ADPRHL1: variants seen among roughly 807,000 people sequenced by gnomAD.
ADPRHL1 encodes ADP-ribosylhydrolase like 1.
A neutral mutation model predicts 44.1 loss-of-function variants in ADPRHL1; 43 were observed. The ratio of observed to expected loss-of-function variants is 0.98; its 90% CI spans 0.76 to 1.26. The LOEUF (loss-of-function observed/expected upper bound fraction) is 1.26. Among genes scored for constraint, ADPRHL1 ranks in the 50% most tolerant of loss-of-function variants. ADPRHL1 has a pLI of 0.00. For synonymous variants in ADPRHL1, 878 were observed against 1,017.4 expected (o/e 0.86, Z 2.61); for missense variants, 2,022 against 2,496.9 (o/e 0.81, Z 4.05).
At position 113,441,019 on chromosome 13, in the gene ADPRHL1, G is replaced by C. The variant is rs953564630; in HGVS notation, c.379+3406C>G. ...AATTCAAAAATTAGCCAGGTGTGGT[G>C]GTGGGCGCCCGTAGTCCCAGCTACT... On this transcript the variant is annotated intron_variant, in intron 2 of 7. Coordinates refer to ENST00000612156, the MANE Select transcript of ADPRHL1 (RefSeq NM_001394807.1). This position sits in a 1 kb window ranked among gnomAD's most constrained non-coding sequence, Gnocchi z 6.0. Among the ~76,000 whole-genome samples the C allele has an allele frequency of 3.3e-5, 5 of 151,964 alleles. No individual in the cohort carries two copies.
chr13:113,404,702 C>T lies in ADPRHL1; in HGVS notation c.4580G>A (p.Gly1527Glu), dbSNP rs1419782332. 3.9e-6 allele frequency: 5 copies of T among 1,281,724 alleles called. No homozygotes were observed. The East Asian group carries it at 1.6e-4, about 40-fold the overall frequency. 79.4% of individuals were successfully genotyped at this position (1,281,724 alleles called of 1,614,324 possible). A position where few individuals can be genotyped will look rare whatever the true frequency, so the allele number is the denominator to read the frequency against. ...QGQAQEQAQG[G>E]TQGHSQGQAQ... ...CTGTCCCTGACTGTGTCCCTGGGTC[C>T]CACCCTGAGCCTGTTCCTGTGCCTG... Residue 1527 changes from glycine (G) to glutamate (E), a missense_variant, in exon 8 of 8, where the codon GGG becomes GAG. By Grantham distance (98) the Gly-to-Glu change is moderately conservative (BLOSUM62 -2). Transcript: ENST00000612156.
At chr13:113,424,146 C>T in intron 6 of ADPRHL1, 71 bp downstream of exon 6, 1 of 1,581,986 alleles carries the variant, frequency 6.3e-7, no homozygotes, top group African/African-American at 1.3e-5. Flanking sequence ...AGTCCTAGGA[C>T]ACTCCGAGGG....
chr13:113,423,598 A>AT (rs2043942406), intron 6 of ADPRHL1, among the ~76,000 whole-genome samples: 1 of 152,262 alleles, frequency 6.6e-6, no homozygotes, highest in African/African-American at 2.4e-5. Flanking sequence ...TCACAGAACC[A>AT]TAACAGCTGC....
At chr13:113,410,977 C>A (rs2043848459) in intron 7 of ADPRHL1, among the ~76,000 whole-genome samples, 1 of 152,208 alleles carries the variant, frequency 6.6e-6, no homozygotes, top group African/African-American at 2.4e-5. Flanking sequence ...CGTTTTGTCC[C>A]CGCTCTGGGC....
Position 113,424,255 on chromosome 13 carries a change from C to G in ADPRHL1, c.869G>C (p.Ser290Thr). ...GGCCCGGTGACACAGCTCAGTCCAG[C>G]TGTTTCCTGCTGCAAGGAGGGCGTC... ...AYDALLAAGN[S>T]WTELCHRAMF... is the part of the protein sequence containing the mutation. The change falls in exon 6 of 8, where the codon AGC (serine) becomes ACC (threonine). Residue 290 changes from serine (S) to threonine (T), a missense_variant. Transcript: ENST00000612156. 1 of 1,612,954 alleles carries G rather than the reference C, an allele frequency of 6.2e-7. No homozygotes were observed.
At position 113,406,044 on chromosome 13, in the gene ADPRHL1, G is replaced by A. The variant is rs1037361444; in HGVS notation, c.3238C>T (p.Pro1080Ser). The change falls in exon 8 of 8, where the codon CCC (proline) becomes TCC (serine). Residue 1080 changes from proline (P) to serine (S), a missense_variant. Pro to Ser is a moderately conservative substitution (Grantham distance 74, BLOSUM62 -1). Coordinates refer to ENST00000612156, the MANE Select transcript of ADPRHL1 (RefSeq NM_001394807.1). ...RRPLLIESSQ[P>S]LKAAEEITSH... ...GTGATTTCCTCGGCAGCCTTCAGGG[G>A]CTGAGAAGACTCTATTAGCAGCGGC... The A allele has an allele frequency of 3.0e-5, 37 of 1,232,054 alleles. No individual in the cohort carries two copies. Among genetic ancestry groups the A allele is most frequent in the Non-Finnish European group, 3.6e-5 (36 of 988,036 alleles). 76.3% of individuals were successfully genotyped at this position (1,232,054 alleles called of 1,614,324 possible).
intron 3 of ADPRHL1, among the ~76,000 whole-genome samples, chr13:113,431,231 G>A (rs1213542485): frequency 1.3e-5 from 2 of 152,238 alleles, no homozygotes; most frequent in Non-Finnish European, 2.9e-5. Flanking sequence ...GCTGTCGTGG[G>A]GAAAAGATGA....
chr13:113,412,728 C>T (rs1431831193), intron 7 of ADPRHL1, among the ~76,000 whole-genome samples: 3 of 150,274 alleles, frequency 2.0e-5, no homozygotes, highest in African/African-American at 4.9e-5. Flanking sequence ...AGTTCACCCA[C>T]CGCCAACAGT....
chr13:113,426,303 T>C (rs1319241460), intron 4 of ADPRHL1, among the ~76,000 whole-genome samples: 4 of 152,150 alleles, frequency 2.6e-5, no homozygotes, highest in Non-Finnish European at 5.9e-5. Context: ...TGAGCACCCC[T>C]GCCCGCCACA....
chr13:113,417,411 G>C (rs925692252), intron 7 of ADPRHL1, among the ~76,000 whole-genome samples: 2 of 152,250 alleles, frequency 1.3e-5, no homozygotes, highest in Admixed American at 6.5e-5. Flanking sequence ...CAGACCCTGG[G>C]GACCGCCCCT....
In ADPRHL1 at chr13:113,404,918, C is replaced by T. The variant is rs532885889; in HGVS notation, c.4364G>A (p.Arg1455Gln). ...GGTGCCCTCTCCCCACGCCGTGCTC[C>T]GCCCCCGCTCCTCCCAGGGTCCCTG... Reference protein sequence around the residue: ...HLQGPWEERGRSTAWGEGTRA... With the variant: ...HLQGPWEERGQSTAWGEGTRA... Residue 1455 changes from arginine (R) to glutamine (Q), a missense_variant, in exon 8 of 8, where the codon CGG becomes CAG. Coordinates refer to ENST00000612156, the MANE Select transcript of ADPRHL1 (RefSeq NM_001394807.1). The T allele has an allele frequency of 9.6e-6, 12 of 1,244,474 alleles. No individual in the cohort carries two copies. The highest frequency in any genetic ancestry group is 8.4e-5 in the Admixed American group (2 of 23,942). The allele number at this position is 1,244,474 out of a possible 1,614,324, so 77.1% of individuals were successfully genotyped here. A position where few individuals can be genotyped will look rare whatever the true frequency, so the allele number is the denominator to read the frequency against.
chr13:113,424,065 C>T (rs2043945540), intron 6 of ADPRHL1, 152 bp downstream of exon 6: 4 of 1,087,912 alleles, frequency 3.7e-6, no homozygotes, highest in Non-Finnish European at 5.2e-6. Context: ...TGTGCCCTCC[C>T]AAAGTGGGTT....
At chr13:113,448,978 A>T (rs2044161099) in intron 1 of ADPRHL1, 1 of 985,650 alleles carries the variant, frequency 1.0e-6, no homozygotes, top group African/African-American at 1.7e-5. Context: ...GCCCCTCCCC[A>T]GGCCTGGCAC....
Position 113,403,918 on chromosome 13 carries a change from A to AACCC in ADPRHL1, c.5363_5364insGGGT (p.Gln1789GlyfsTer36). ...GAGCCCCTTTCTGGGTCTGCCTCTG[A>AACCC]GTCTCTATCTGGGTCTGCTCCCAGC... On this transcript the variant is annotated frameshift_variant, in exon 8 of 8. Transcript: ENST00000612156. LOFTEE classifies it low-confidence loss of function (END_TRUNC). The AACCC allele has an allele frequency of 8.0e-7, 1 of 1,249,584 alleles. No homozygotes were observed. Among genetic ancestry groups the AACCC allele is most frequent in the South Asian group, 3.3e-5 (1 of 30,594 alleles). The allele number at this position is 1,249,584 out of a possible 1,614,324, so 77.4% of individuals were successfully genotyped here.
Position 113,408,046 on chromosome 13 carries a change from C to T in ADPRHL1, c.1236G>A (p.Arg412=). 6 of 1,232,422 alleles carry T rather than the reference C, an allele frequency of 4.9e-6. No homozygotes were observed. Among genetic ancestry groups the T allele is most frequent in the Non-Finnish European group, 5.1e-6 (5 of 988,310 alleles). 76.3% of individuals were successfully genotyped at this position (1,232,422 alleles called of 1,614,324 possible). Residue 412 remains arginine, a synonymous_variant, in exon 8 of 8, where the codon AGG becomes AGA. Transcript: ENST00000612156. ...RPPGTEAGGS[R]PSHQPQTQEA... is the part of the protein sequence containing the mutation. ...CCTGGGTCTGGGGCTGGTGGCTGGG[C>T]CTGCTCCCCCCGGCCTCTGTCCCCG...
In ADPRHL1 at chr13:113,403,738, C is replaced by T. The variant is rs1321190126; in HGVS notation, c.5544G>A (p.Gln1848=). 1 of 1,232,466 alleles carries T rather than the reference C, an allele frequency of 8.1e-7. No homozygotes were observed. Among genetic ancestry groups the T allele is most frequent in the East Asian group, 3.2e-5 (1 of 31,726 alleles). 76.3% of individuals were successfully genotyped at this position (1,232,466 alleles called of 1,614,324 possible). The change falls in exon 8 of 8, where the codon CAG becomes CAA. Residue 1848 remains glutamine (Q), a synonymous_variant. Coordinates refer to ENST00000612156, the MANE Select transcript of ADPRHL1 (RefSeq NM_001394807.1). ...SRSPAPRDGG[Q]SGGSGLGEPS... Reference sequence around the variant, plus strand: ...GCTCCCCCAGGCCACTGCCCCCTGACTGTCCACCATCCCTGGGGGCTGGGC... The same window carrying T: ...GCTCCCCCAGGCCACTGCCCCCTGATTGTCCACCATCCCTGGGGGCTGGGC...
At chr13:113,414,748 T>C (rs2043878866) in intron 7 of ADPRHL1, among the ~76,000 whole-genome samples, 1 of 151,620 alleles carries the variant, frequency 6.6e-6, no homozygotes, top group Admixed American at 6.6e-5. Flanking sequence ...TGATCTCGGC[T>C]CACTGCAAGC....
rs144604982 is a variant in ADPRHL1 at position 113,419,974 on chromosome 13, C to T, written c.1061+2852G>A. Among the ~76,000 whole-genome samples the T allele has an allele frequency of 1.0e-3, 154 of 152,102 alleles. 1 individual carries two copies. The highest frequency in any genetic ancestry group is 3.5e-3 in the African/African-American group (146 of 41,488). On this transcript the variant is annotated intron_variant, in intron 7 of 7. Coordinates refer to ENST00000612156, the MANE Select transcript of ADPRHL1 (RefSeq NM_001394807.1). ...TGTTATCTCACATAAGCAGGTGTGT[C>T]TCACACAGGCACACAGCTCGGGGGG...
Position 113,407,260 on chromosome 13 carries a change from G to C in ADPRHL1, c.2022C>G (p.Pro674=). 8.1e-7 allele frequency: 1 copy of C among 1,232,140 alleles called. No homozygotes were observed. The highest frequency in any genetic ancestry group is 1.0e-6 in the Non-Finnish European group (1 of 988,102). 76.3% of individuals were successfully genotyped at this position (1,232,140 alleles called of 1,614,324 possible). ...PSGNKAVGKG[P]LEEEPQRQPR... is the part of the protein sequence containing the mutation. Reference sequence around the variant, plus strand: ...GCTGTCTTTGGGGCTCCTCCTCCAGGGGCCCCTTTCCCACTGCTTTGTTCC... The same window carrying C: ...GCTGTCTTTGGGGCTCCTCCTCCAGCGGCCCCTTTCCCACTGCTTTGTTCC... The change falls in exon 8 of 8, where the codon CCC becomes CCG. Residue 674 remains proline (P), a synonymous_variant. Transcript: ENST00000612156.
Sources: allele counts gnomAD v4.1 joint callset (sites outside exome capture counted in the v4.1 genomes callset), GRCh38; gene constraint gnomAD v4.1.1; non-coding constraint Gnocchi (gnomAD v3.1); transcripts MANE v1.5; gene names NCBI Gene and HGNC (gene_info 2026-07-23, HGNC 2026-07-21).